Variants in TRIM2 observed in about 807,000 individuals in gnomAD.
TRIM2 encodes the protein tripartite motif-containing protein 2.
TRIM2 carries 20 observed loss-of-function variants against 75.2 expected under a neutral mutation model. The observed-to-expected ratio is 0.27, with a 90% CI of 0.19 to 0.39. TRIM2 has a LOEUF of 0.39. Ranked by LOEUF, TRIM2 falls within the 10% of genes least tolerant of loss-of-function variation. The probability of loss-of-function intolerance (pLI) is 1.00; values close to 1 mark genes in which losing one functional copy is unlikely to be tolerated. For missense variants in TRIM2, 660 were observed against 990.8 expected (o/e 0.67, Z 4.48); for synonymous variants, 373 against 388.3 (o/e 0.96, Z 0.46).
At chr4:153,191,917 A>G (rs985299429) in intron 1 of TRIM2, among the ~76,000 whole-genome samples, 1 of 152,210 alleles carries the variant, frequency 6.6e-6, no homozygotes, top group African/African-American at 2.4e-5. Context: ...GGGTATGAGC[A>G]TAGAAGCTTC....
At chr4:153,296,139 C>A in intron 6 of TRIM2, 103 bp downstream of exon 6, 1 of 1,402,794 alleles carries the variant, frequency 7.1e-7, no homozygotes, top group Non-Finnish European at 9.4e-7. Context: ...AGAACTCTAC[C>A]TGCAGGTGTT....
At chr4:153,170,191 A>G (rs775694288) in intron 1 of TRIM2, among the ~76,000 whole-genome samples, 2 of 152,210 alleles carry the variant, frequency 1.3e-5, no homozygotes, top group Non-Finnish European at 2.9e-5. Flanking sequence ...AGGGTAAGAG[A>G]CAAGACAAGG....
chr4:153,270,173 C>G (rs554453517), intron 1 of TRIM2, among the ~76,000 whole-genome samples, 162 bp from the exon 2 acceptor site: 1 of 152,280 alleles, frequency 6.6e-6, no homozygotes, highest in African/African-American at 2.4e-5. Context: ...CATGATCCGC[C>G]CACCTCGGCC....
chr4:153,335,048 T>C lies in TRIM2; in HGVS notation c.*82T>C, dbSNP rs905097512. Reference sequence around the variant, plus strand: ...TCTCAATGCGGGACCAGATTATGACTAGAGTTTTTATGCCAGAAGGAATCA... The same window carrying C: ...TCTCAATGCGGGACCAGATTATGACCAGAGTTTTTATGCCAGAAGGAATCA... On this transcript the variant is annotated 3_prime_UTR_variant, in exon 12 of 12. Transcript: ENST00000338700. 5.9e-6 allele frequency: 8 copies of C among 1,359,816 alleles called. No individual in the cohort carries two copies. The East Asian group carries it at 1.4e-4, about 23-fold the overall frequency. The allele number at this position is 1,359,816 out of a possible 1,614,324, so 84.2% of individuals were successfully genotyped here. A position where few individuals can be genotyped will look rare whatever the true frequency, so the allele number is the denominator to read the frequency against.
intron 3 of TRIM2, among the ~76,000 whole-genome samples, chr4:153,278,853 G>C (rs1758606563): frequency 6.6e-6 from 1 of 151,820 alleles, no homozygotes; most frequent in Admixed American, 6.6e-5. Flanking sequence ...CATAAGTAAA[G>C]TGAGAATGTC....
chr4:153,214,971 A>T (rs75400802), intron 1 of TRIM2, among the ~76,000 whole-genome samples: 12 of 152,382 alleles, frequency 7.9e-5, no homozygotes, highest in African/African-American at 2.4e-4. Context: ...TACAACGATC[A>T]GTCATTGCAA....
chr4:153,184,317 T>G (rs1337533981), intron 1 of TRIM2, among the ~76,000 whole-genome samples: 2 of 152,198 alleles, frequency 1.3e-5, no homozygotes, highest in African/African-American at 4.8e-5. Flanking sequence ...GACTATGTGC[T>G]TACATGGCCT....
At chr4:153,245,015 G>A (rs543497591) in intron 1 of TRIM2, among the ~76,000 whole-genome samples, 1 of 152,256 alleles carries the variant, frequency 6.6e-6, no homozygotes, top group South Asian at 2.1e-4. Context: ...ACCATCTTCT[G>A]TGGGTAAAAT....
Position 153,337,237 on chromosome 4 carries a change from A to C in TRIM2, c.*2271A>C, listed in dbSNP as rs1772553035. The C allele has an allele frequency of 2.0e-6, 2 of 985,528 alleles. No homozygotes were observed. Among genetic ancestry groups the C allele is most frequent in the Non-Finnish European group, 1.2e-6 (1 of 829,924 alleles). 61.0% of individuals were successfully genotyped at this position (985,528 alleles called of 1,614,324 possible). A position where few individuals can be genotyped will look rare whatever the true frequency, so the allele number is the denominator to read the frequency against. ...TTTTTATTTAGATTCTTTCTGTCCC[A>C]GGCTGTTGATCTTAAAACTAGTTGA... On this transcript the variant is annotated 3_prime_UTR_variant, in exon 12 of 12. Coordinates refer to ENST00000338700, the MANE Select transcript of TRIM2 (RefSeq NM_015271.5).
chr4:153,318,084 A>G (rs879288882), intron 8 of TRIM2, among the ~76,000 whole-genome samples: 36 of 152,250 alleles, frequency 2.4e-4, no homozygotes, highest in Non-Finnish European at 2.5e-4. Flanking sequence ...ACCCTGTCCA[A>G]AAAATGAAGT....
chr4:153,323,039 T>C lies in TRIM2; in HGVS notation c.1951+223T>C, dbSNP rs13117024. Among the ~76,000 whole-genome samples the C allele has an allele frequency of 0.32, 48,097 of 151,964 alleles. 8,017 individuals are homozygous for C. The highest frequency in any genetic ancestry group is 0.38 in the South Asian group (1,811 of 4,822). Reference sequence around the variant, plus strand: ...AGCTGCAGTCCTTGTGTGGTTTTTATCGGTGGCAGTTCACAACTCAGAAGT... The same window carrying C: ...AGCTGCAGTCCTTGTGTGGTTTTTACCGGTGGCAGTTCACAACTCAGAAGT... On this transcript the variant is annotated intron_variant, in intron 9 of 11. Transcript: ENST00000338700.
chr4:153,173,432 G>A (rs142653439), intron 1 of TRIM2, among the ~76,000 whole-genome samples: 6 of 151,598 alleles, frequency 4.0e-5, no homozygotes, highest in Admixed American at 1.3e-4. Flanking sequence ...GGGAGGCCGA[G>A]GGGGGTGGAT....
chr4:153,298,611 T>C (rs1763228851), intron 6 of TRIM2, among the ~76,000 whole-genome samples: 1 of 152,250 alleles, frequency 6.6e-6, no homozygotes, highest in Admixed American at 6.5e-5. Flanking sequence ...TGTTTTGATA[T>C]ATGCATACCT....
At chr4:153,261,357 A>G (rs1753541858) in intron 1 of TRIM2, among the ~76,000 whole-genome samples, 1 of 152,154 alleles carries the variant, frequency 6.6e-6, no homozygotes, top group South Asian at 2.1e-4. Context: ...TGGGAGGTGG[A>G]CGTTGCAGTA....
chr4:153,161,374 C>A (rs1729720188), intron 1 of TRIM2, among the ~76,000 whole-genome samples: 1 of 152,170 alleles, frequency 6.6e-6, no homozygotes, highest in South Asian at 2.1e-4. Context: ...CATGCATGAT[C>A]CCATTCAGCC....
At chr4:153,255,765 G>T (rs1380992571) in intron 1 of TRIM2, among the ~76,000 whole-genome samples, 1 of 152,214 alleles carries the variant, frequency 6.6e-6, no homozygotes, top group Non-Finnish European at 1.5e-5. Flanking sequence ...ATATCGTTCA[G>T]CCATACAAAG....
intron 11 of TRIM2, among the ~76,000 whole-genome samples, chr4:153,331,091 G>A (rs1163563733): frequency 2.6e-5 from 4 of 152,208 alleles, no homozygotes; most frequent in Non-Finnish European, 5.9e-5. Context: ...GGAGGCCAAG[G>A]TGGGAAGATT....
At chr4:153,202,832 C>A (rs1426453437), upstream of TRIM2, among the ~76,000 whole-genome samples, 2 of 151,772 alleles carry the variant, frequency 1.3e-5, no homozygotes, top group Non-Finnish European at 2.9e-5. Flanking sequence ...TAAGGCCGGG[C>A]GCGGTGGCTC....
At chr4:153,305,080 G>A (rs971464290) in intron 6 of TRIM2, among the ~76,000 whole-genome samples, 6 of 152,176 alleles carry the variant, frequency 3.9e-5, no homozygotes, top group Non-Finnish European at 7.3e-5. Context: ...TGGAAGGAGA[G>A]AGAGAAATTT....
Sources: allele counts gnomAD v4.1 joint callset (sites outside exome capture counted in the v4.1 genomes callset), GRCh38; gene constraint gnomAD v4.1.1; transcripts MANE v1.5; gene names NCBI Gene and HGNC (gene_info 2026-07-23, HGNC 2026-07-21).